The following RBM6 variants were observed in gnomAD, a reference collection of about 807,000 sequenced individuals.
RBM6 encodes the protein RNA-binding protein 6.
A neutral mutation model predicts 140.4 loss-of-function variants in RBM6; 23 were observed. That is an observed-to-expected ratio of 0.16 (90% confidence interval 0.12 to 0.23). The LOEUF (loss-of-function observed/expected upper bound fraction) is 0.23, where lower values mean the gene tolerates loss of function less well. Among genes scored for constraint, RBM6 ranks in the 10% least tolerant of loss-of-function variants. The pLI is 1.00. For synonymous variants in RBM6, 439 were observed against 475.6 expected, an observed-to-expected ratio of 0.92 and a Z score of 1.00; for missense variants, 1,139 against 1,386.7, an observed-to-expected ratio of 0.82 and a Z score of 2.84.
At chr3:49,969,747 G>A (rs1051990918) in intron 3 of RBM6, among the ~76,000 whole-genome samples, 1 of 149,922 alleles carries the variant, frequency 6.7e-6, no homozygotes, top group African/African-American at 2.4e-5. Context: ...ACAGATGTGC[G>A]CCAGCCACTA....
At chr3:50,064,439 A>G (rs1559649450) in intron 15 of RBM6, among the ~76,000 whole-genome samples, 1 of 152,214 alleles carries the variant, frequency 6.6e-6, no homozygotes, top group Non-Finnish European at 1.5e-5. Flanking sequence ...TCTGAAGAAG[A>G]CAATGTTTAT....
chr3:49,959,588 T>G (rs2084186598), intron 1 of RBM6, among the ~76,000 whole-genome samples: 1 of 146,714 alleles, frequency 6.8e-6, no homozygotes. Flanking sequence ...TTTTTTTTTT[T>G]GAGACAGAGT....
chr3:49,996,349 G>A (rs553561409), intron 5 of RBM6, among the ~76,000 whole-genome samples: 1 of 152,264 alleles, frequency 6.6e-6, no homozygotes, highest in Non-Finnish European at 1.5e-5. Flanking sequence ...CTTCAAGTAT[G>A]ATTTTTGACA....
At chr3:49,984,462 G>A (rs1168845202) in intron 5 of RBM6, among the ~76,000 whole-genome samples, 1 of 152,094 alleles carries the variant, frequency 6.6e-6, no homozygotes, top group Non-Finnish European at 1.5e-5. Flanking sequence ...ACAAAAACTA[G>A]CTGGGCTGGT....
intron 5 of RBM6, among the ~76,000 whole-genome samples, chr3:49,988,104 T>C (rs1312076534): frequency 6.6e-6 from 1 of 152,210 alleles, no homozygotes; most frequent in East Asian, 1.9e-4. Context: ...TTGATTTTGC[T>C]GTGGGATTCC....
At chr3:50,012,738 C>CTTT (rs1354297345) in intron 6 of RBM6, among the ~76,000 whole-genome samples, 6 of 120,846 alleles carry the variant, frequency 5.0e-5, no homozygotes, top group Non-Finnish European at 8.3e-5. Flanking sequence ...TAGATTCTAC[C>CTTT]TTTTTTTTTT....
chr3:50,074,389 T>C (rs2090397671), intron 19 of RBM6, among the ~76,000 whole-genome samples: 1 of 151,870 alleles, frequency 6.6e-6, no homozygotes, highest in Non-Finnish European at 1.5e-5. Flanking sequence ...TGGCGCGATA[T>C]CAGCTAACCA....
intron 6 of RBM6, among the ~76,000 whole-genome samples, chr3:50,002,088 C>G (rs1241925516): frequency 6.6e-6 from 1 of 151,994 alleles, no homozygotes; most frequent in Non-Finnish European, 1.5e-5. Context: ...CAAGTAATTT[C>G]CAATTATAAA....
intron 1 of RBM6, chr3:49,940,639 C>T (rs1386336702): frequency 6.4e-6 from 1 of 155,354 alleles, no homozygotes; most frequent in Non-Finnish European, 1.5e-5. Flanking sequence ...CACGTAGCCT[C>T]GTCCTCAGAC....
At chr3:50,010,886 G>C (rs2086811089) in intron 6 of RBM6, among the ~76,000 whole-genome samples, 1 of 107,748 alleles carries the variant, frequency 9.3e-6, no homozygotes. Flanking sequence ...CTGGGCGACA[G>C]AGCAAGACTG....
intron 1 of RBM6, among the ~76,000 whole-genome samples, chr3:49,954,474 G>A (rs539728227): frequency 2.0e-5 from 3 of 151,790 alleles, no homozygotes; most frequent in Admixed American, 6.6e-5. Flanking sequence ...TGAAGACAAG[G>A]TCTCAATATT....
At chr3:50,002,629 T>C (rs185410008) in intron 6 of RBM6, among the ~76,000 whole-genome samples, 1 of 152,276 alleles carries the variant, frequency 6.6e-6, no homozygotes, top group East Asian at 1.9e-4. Context: ...ACTGCAGACC[T>C]TAGGTGATCT....
At chr3:49,976,782 T>C (rs970145604) in intron 5 of RBM6, among the ~76,000 whole-genome samples, 1 of 152,250 alleles carries the variant, frequency 6.6e-6, no homozygotes, top group African/African-American at 2.4e-5. Flanking sequence ...TGTATTAACA[T>C]ATAGTGTCTA....
chr3:50,060,969 G>A lies in RBM6; in HGVS notation c.2242G>A (p.Asp748Asn). Residue 748 changes from aspartate (D) to asparagine (N), a missense_variant, in exon 12 of 21, where the codon GAC (aspartate) becomes AAC (asparagine). Asp to Asn is a conservative substitution (Grantham distance 23). Transcript: ENST00000266022. ...TATCTGTTGCAGAAATGATTCTGGG[G>A]ACCATTCTGACCACATGCATTACTA... ...ATGKRRNDSGDHSDHMHYYQG... is the reference protein window; with the variant it reads ...ATGKRRNDSGNHSDHMHYYQG... 1 of 1,575,038 alleles carries A rather than the reference G, an allele frequency of 6.3e-7. No homozygotes were observed. The highest frequency in any genetic ancestry group is 8.6e-7 in the Non-Finnish European group (1 of 1,163,952).
chr3:49,986,861 C>T (rs183080088), intron 5 of RBM6, among the ~76,000 whole-genome samples: 1 of 150,848 alleles, frequency 6.6e-6, no homozygotes, highest in East Asian at 2.0e-4. Flanking sequence ...TCACGGCTCA[C>T]TGCAGTGTCA....
At chr3:50,074,845 C>T (rs1011305079) in intron 19 of RBM6, among the ~76,000 whole-genome samples, 1 of 152,050 alleles carries the variant, frequency 6.6e-6, no homozygotes, top group Non-Finnish European at 1.5e-5. Flanking sequence ...ATAAGCAGGT[C>T]TTCATCAAAA....
intron 6 of RBM6, among the ~76,000 whole-genome samples, chr3:50,024,551 G>T (rs1388176575): frequency 1.3e-5 from 2 of 151,808 alleles, no homozygotes; most frequent in Non-Finnish European, 2.9e-5. Flanking sequence ...TTTATACTTA[G>T]TATTGTTTTT....
chr3:49,992,064 G>A (rs1249771896), intron 5 of RBM6, among the ~76,000 whole-genome samples: 4 of 151,956 alleles, frequency 2.6e-5, no homozygotes, highest in Admixed American at 6.6e-5. Context: ...CAATCCTTCC[G>A]TTTCAGCCTC....
At chr3:50,008,915 AC>A (rs1051927548) in intron 6 of RBM6, among the ~76,000 whole-genome samples, 4 of 152,136 alleles carry the variant, frequency 2.6e-5, no homozygotes, top group Admixed American at 6.5e-5. Context: ...TCATAATACC[AC>A]CCATAGTGCA....
Sources: gnomAD v4.1 joint callset for allele counts (sites outside exome capture counted in the v4.1 genomes callset) on GRCh38, gnomAD v4.1.1 for gene constraint, MANE v1.5 for transcripts, NCBI Gene and HGNC (gene_info 2026-07-23, HGNC 2026-07-21) for gene names.